Variants in KLRG1 observed in about 807,000 individuals in gnomAD.
KLRG1 encodes killer cell lectin like receptor G1, also known as killer cell lectin-like receptor subfamily G member 1.
Under a neutral mutation model 21.8 loss-of-function variants are expected in KLRG1, and 16 were observed. The ratio of observed to expected loss-of-function variants is 0.73; its 90% CI spans 0.50 to 1.11. The LOEUF is 1.11. Ranked by LOEUF, KLRG1 falls within the 50% of genes most tolerant of loss-of-function variation. KLRG1 has a pLI of 0.00. For synonymous variants in KLRG1, 69 were observed against 75.9 expected (o/e 0.91, Z 0.47); for missense variants, 173 against 218.3 (o/e 0.79, Z 1.31).
chr12:9,107,443 G>T, the KLRG1 span: 87 of 1,527,436 alleles, frequency 5.7e-5, no homozygotes, highest in African/African-American at 1.2e-3. Flanking sequence ...TTCTCTTCCT[G>T]CGTCAGAAAA....
chr12:9,050,745 C>T, the KLRG1 span, among the ~76,000 whole-genome samples: 7 of 152,176 alleles, frequency 4.6e-5, no homozygotes, highest in Middle Eastern at 3.2e-3. Context: ...ACGTGGGAAC[C>T]TCCCCCCTTT....
chr12:9,199,905 A>G, the KLRG1 span, among the ~76,000 whole-genome samples: 1 of 152,202 alleles, frequency 6.6e-6, no homozygotes, highest in Non-Finnish European at 1.5e-5. Context: ...TAGGAGTCAT[A>G]ATAACCAAAA....
chr12:9,149,530 C>T, the KLRG1 span: 2 of 1,599,752 alleles, frequency 1.3e-6, no homozygotes, highest in African/African-American at 2.7e-5. Context: ...TTAATGCCAT[C>T]TAGTACTGGT....
At chr12:9,126,015 G>A in the KLRG1 span, among the ~76,000 whole-genome samples, 1 of 152,204 alleles carries the variant, frequency 6.6e-6, no homozygotes, top group Admixed American at 6.5e-5. Flanking sequence ...TTACAGGCGT[G>A]AGCCACTGTG....
At chr12:9,158,976 C>A in the KLRG1 span, among the ~76,000 whole-genome samples, 6 of 152,244 alleles carry the variant, frequency 3.9e-5, no homozygotes, top group East Asian at 1.2e-3. Flanking sequence ...AATCAGCTAA[C>A]TTCTAATGTT....
chr12:9,152,331 G>T, the KLRG1 span: 1 of 1,585,452 alleles, frequency 6.3e-7, no homozygotes, highest in African/African-American at 1.3e-5. Context: ...AAAGGAAAAA[G>T]AATTTAGGGT....
At chr12:9,151,004 G>T in the KLRG1 span, among the ~76,000 whole-genome samples, 1 of 152,076 alleles carries the variant, frequency 6.6e-6, no homozygotes, top group South Asian at 2.1e-4. Context: ...TAACTCTCTG[G>T]GCCCATGTGA....
chr12:9,015,835 C>A, the KLRG1 span, among the ~76,000 whole-genome samples: 3 of 151,970 alleles, frequency 2.0e-5, no homozygotes, highest in African/African-American at 7.3e-5. Context: ...TGGAAAAAAA[C>A]TAGAAGTCAG....
chr12:9,192,720 T>C, the KLRG1 span: 1 of 1,611,732 alleles, frequency 6.2e-7, no homozygotes, highest in Non-Finnish European at 8.5e-7. Flanking sequence ...AAAACACAAG[T>C]TGGGATGCAC....
the KLRG1 span, chr12:9,072,306 A>C: frequency 6.3e-7 from 1 of 1,594,948 alleles, no homozygotes; most frequent in Admixed American, 1.8e-5. Flanking sequence ...GAGTTCCCGA[A>C]AGAAGACTGG....
At chr12:9,201,154 T>C in the KLRG1 span, 1 of 1,485,536 alleles carries the variant, frequency 6.7e-7, no homozygotes, top group Non-Finnish European at 9.2e-7. Flanking sequence ...TAGCATTGCC[T>C]CTGGAAAGAC....
the KLRG1 span, chr12:9,107,674 G>A: frequency 6.2e-7 from 1 of 1,610,126 alleles, no homozygotes. Context: ...AAAGGAATCA[G>A]AGCAGACACT....
the KLRG1 span, chr12:9,107,793 G>C: frequency 4.2e-6 from 3 of 722,550 alleles, no homozygotes; most frequent in South Asian, 1.0e-4. Context: ...GAAGACAAGA[G>C]TCACTAATGG....
chr12:9,103,820 A>C, the KLRG1 span, among the ~76,000 whole-genome samples: 124 of 152,276 alleles, frequency 8.1e-4, no homozygotes, highest in African/African-American at 2.8e-3. Context: ...CCCTTGATGG[A>C]CATTTGGGTA....
chr12:9,070,584 G>T, the KLRG1 span: 1 of 1,603,398 alleles, frequency 6.2e-7, no homozygotes, highest in Non-Finnish European at 8.5e-7. Context: ...TGTAACTGAG[G>T]ATCCAGGGGA....
At chr12:9,178,441 G>A in the KLRG1 span, among the ~76,000 whole-genome samples, 2 of 152,124 alleles carry the variant, frequency 1.3e-5, no homozygotes, top group Non-Finnish European at 1.5e-5. Context: ...ATGCACCAGA[G>A]TATTGATGCT....
At chr12:9,107,748 C>G in the KLRG1 span, 1 of 1,336,112 alleles carries the variant, frequency 7.5e-7, no homozygotes, top group Non-Finnish European at 1.0e-6. Flanking sequence ...CCTGTCTGTA[C>G]TTCCCTCTGC....
chr12:9,105,515 C>T, the KLRG1 span, among the ~76,000 whole-genome samples: 1 of 152,130 alleles, frequency 6.6e-6, no homozygotes, highest in Non-Finnish European at 1.5e-5. Flanking sequence ...GTAACATTTA[C>T]ATTAAGAAAA....
At chr12:9,189,894 C>G in the KLRG1 span, among the ~76,000 whole-genome samples, 1 of 152,074 alleles carries the variant, frequency 6.6e-6, no homozygotes, top group East Asian at 1.9e-4. Flanking sequence ...TGAAAAAAAG[C>G]TCAATACTAC....
Sources: allele counts gnomAD v4.1 joint callset (sites outside exome capture counted in the v4.1 genomes callset), GRCh38; gene constraint gnomAD v4.1.1; transcripts MANE v1.5; gene names NCBI Gene and HGNC (gene_info 2026-07-23, HGNC 2026-07-21).